The following NBN variants were observed in gnomAD, a reference collection of about 807,000 sequenced individuals.
NBN encodes Nijmegen breakage syndrome 1 (nibrin).
NBN carries 88 observed loss-of-function variants against 90.8 expected under a neutral mutation model. The observed-to-expected ratio is 0.97, with a 90% CI of 0.82 to 1.16. The LOEUF (loss-of-function observed/expected upper bound fraction) is 1.16, where lower values mean the gene tolerates loss of function less well. Ranked by LOEUF, NBN falls within the 50% of genes most tolerant of loss-of-function variation. The probability of loss-of-function intolerance (pLI) is 0.00; values close to 1 mark genes in which losing one functional copy is unlikely to be tolerated. For synonymous variants in NBN, 328 were observed against 295.1 expected, an observed-to-expected ratio of 1.11 and a Z score of -1.14; for missense variants, 894 against 869.6, an observed-to-expected ratio of 1.03 and a Z score of -0.35.
chr8:89,942,681 T>C (rs1486710275), intron 14 of NBN, among the ~76,000 whole-genome samples: 1 of 151,994 alleles, frequency 6.6e-6, no homozygotes, highest in African/African-American at 2.4e-5. Context: ...TTGAAGACAG[T>C]AGTAGTAAAT....
intron 5 of NBN, among the ~76,000 whole-genome samples, chr8:89,977,050 T>A (rs529966352): frequency 3.2e-4 from 48 of 152,150 alleles, no homozygotes; most frequent in Non-Finnish European, 4.3e-4. Context: ...GCATAACATT[T>A]AAAATTTTTT....
intron 4 of NBN, among the ~76,000 whole-genome samples, chr8:89,978,558 C>G (rs1055120674): frequency 6.6e-6 from 1 of 151,972 alleles, no homozygotes; most frequent in Non-Finnish European, 1.5e-5. Flanking sequence ...AAGAAGTCAC[C>G]GATTATAATA....
intron 14 of NBN, among the ~76,000 whole-genome samples, chr8:89,942,160 G>C (rs1314940974): frequency 6.6e-6 from 1 of 152,142 alleles, no homozygotes; most frequent in Non-Finnish European, 1.5e-5. Context: ...TTACAACACA[G>C]AAGGAGCTAG....
chr8:89,959,488 C>A (rs1456220022), intron 8 of NBN, among the ~76,000 whole-genome samples: 3 of 152,214 alleles, frequency 2.0e-5, no homozygotes, highest in Non-Finnish European at 4.4e-5. Context: ...TGCAGTGGTT[C>A]ACGCCTGTTA....
At position 89,953,293 on chromosome 8, in the gene NBN, G is replaced by C. The variant is rs775848374; in HGVS notation, c.1796C>G (p.Thr599Arg). Residue 599 changes from threonine to arginine, a missense_variant, in exon 11 of 16, where the codon ACA (threonine) becomes AGA (arginine). Transcript: ENST00000265433. ...VRKRPRMDIE[T>R]NDTFSDEAVP... ...TGCTTCATCACTGAAAGTGTCATTT[G>C]TTTCTATATCCATCCTTGGCCTTTT... 3.1e-6 allele frequency: 5 copies of C among 1,613,176 alleles called. No individual in the cohort carries two copies. In the East Asian group the frequency reaches 8.9e-5, roughly 29 times the overall value.
At chr8:89,973,507 C>A (rs971121932) in intron 5 of NBN, among the ~76,000 whole-genome samples, 2 of 152,032 alleles carry the variant, frequency 1.3e-5, no homozygotes, top group Non-Finnish European at 2.9e-5. Flanking sequence ...CTTAGTAATA[C>A]CTACATTTGA....
intron 8 of NBN, among the ~76,000 whole-genome samples, chr8:89,964,141 T>A (rs1811129442): frequency 6.7e-6 from 1 of 149,100 alleles, no homozygotes; most frequent in Non-Finnish European, 1.5e-5. Context: ...ACTTACCATG[T>A]GTGTGTGTTT....
rs531597218 is a variant in NBN, at chr8:89,941,448, G to A, written c.2184+1805C>T. Among the ~76,000 whole-genome samples the A allele has an allele frequency of 6.6e-5, 10 of 152,290 alleles. No homozygotes were observed. The South Asian group carries it at 1.9e-3, about 28-fold the overall frequency. On this transcript the variant is annotated intron_variant, in intron 14 of 15. Transcript: ENST00000265433. ...AAATAATTGTATGTGAAGTTAATAT[G>A]AAGTTTAAAACTACCCATTCCGACT...
At chr8:89,984,100 T>C in intron 1 of NBN, 2 of 212,462 alleles carry the variant, frequency 9.4e-6, no homozygotes, top group Non-Finnish European at 9.6e-6. Context: ...TGGTAGTCAT[T>C]TCCCCAAACT....
In NBN at chr8:89,946,311, G is replaced by C. The variant is rs748755212; in HGVS notation, c.1915-16C>G. 1 of 1,561,720 alleles carries C rather than the reference G, an allele frequency of 6.4e-7. No homozygotes were observed. The highest frequency in any genetic ancestry group is 1.1e-5 in the South Asian group (1 of 89,796). On this transcript the variant is annotated splice_polypyrimidine_tract_variant and intron_variant, in intron 12 of 15. Transcript: ENST00000265433. ...TGTCATTGTTCTTAAATGGGGTTAA[G>C]ATGGATAGGTAAGAAAGAGAAGAAA...
intron 8 of NBN, among the ~76,000 whole-genome samples, chr8:89,959,765 T>C (rs897322055): frequency 1.4e-4 from 21 of 152,108 alleles, no homozygotes; most frequent in Admixed American, 7.2e-4. Context: ...AAAAAAGCAA[T>C]AAACAAAATT....
intron 14 of NBN, among the ~76,000 whole-genome samples, chr8:89,940,858 G>A (rs989247303): frequency 1.3e-5 from 2 of 152,168 alleles, no homozygotes; most frequent in Non-Finnish European, 1.5e-5. Context: ...ACTTCCCACT[G>A]TTATAAATGA....
intron 2 of NBN, chr8:89,981,867 TTTTG>T (rs1409105650): frequency 3.0e-6 from 2 of 665,530 alleles, no homozygotes; most frequent in African/African-American, 1.9e-5. Context: ...CTAGATCTTT[TTTTG>T]TTTGTTTTAC....
intron 14 of NBN, 30 bp downstream of exon 14, chr8:89,943,223 G>C: frequency 6.2e-7 from 1 of 1,612,654 alleles, no homozygotes; most frequent in East Asian, 2.2e-5. Context: ...TGCAATTTAA[G>C]CAAGTTTCTG....
At chr8:89,941,002 T>C (rs147875175) in intron 14 of NBN, among the ~76,000 whole-genome samples, 113 of 152,238 alleles carry the variant, frequency 7.4e-4, no homozygotes, top group African/African-American at 2.0e-3. Context: ...AGAAACATTA[T>C]AGACACACCT....
chr8:89,974,293 C>G (rs563678781), intron 5 of NBN, among the ~76,000 whole-genome samples: 94 of 131,924 alleles, frequency 7.1e-4, no homozygotes, highest in Non-Finnish European at 1.2e-3. Context: ...AAAGGCTAGA[C>G]TACAGTGACA....
chr8:89,970,677 G>A (rs1811474135), intron 6 of NBN, 120 bp from the exon 7 acceptor site: 1 of 957,880 alleles, frequency 1.0e-6, no homozygotes, highest in African/African-American at 1.6e-5. Flanking sequence ...TTCTTGAGTA[G>A]GTCATTTCAG....
chr8:89,934,960 G>A lies in NBN; in HGVS notation c.*622C>T, dbSNP rs2130734210. 4.3e-6 allele frequency: 1 copy of A among 232,752 alleles called. No individual in the cohort carries two copies. Among genetic ancestry groups the A allele is most frequent in the East Asian group, 6.1e-5 (1 of 16,438 alleles). The allele number at this position is 232,752 out of a possible 1,614,324, so 14.4% of individuals were successfully genotyped here. A position where few individuals can be genotyped will look rare whatever the true frequency, so the allele number is the denominator to read the frequency against. On this transcript the variant is annotated 3_prime_UTR_variant, in exon 16 of 16. Coordinates refer to ENST00000265433, the MANE Select transcript of NBN (RefSeq NM_002485.5). ...TGATGAAGTCTCCACATGGTCTTCAGTTTCTAGTACTAGAATAACATGTAG... is the reference window on the plus strand; with the variant it reads ...TGATGAAGTCTCCACATGGTCTTCAATTTCTAGTACTAGAATAACATGTAG...
chr8:89,953,664 CA>C lies in NBN; in HGVS notation c.1424del (p.Met475SerfsTer9). The C allele has an allele frequency of 6.2e-7, 1 of 1,611,514 alleles. No individual in the cohort carries two copies. The highest frequency in any genetic ancestry group is 1.3e-5 in the African/African-American group (1 of 74,890). ...CTATTCTTGCTGATTTGCATGAAGA[CA>C]TTTCTTGATTTTCTTCATCCCTTTC... Reference protein sequence around the residue: ...KRERDEENQEMSSCKSARIET... With the variant: ...KRERDEENQEXSSCKSARIET... On this transcript the variant is annotated frameshift_variant, in exon 11 of 16. Transcript: ENST00000265433. LOFTEE classifies it high-confidence loss of function.
Sources: allele counts gnomAD v4.1 joint callset (sites outside exome capture counted in the v4.1 genomes callset), GRCh38; gene constraint gnomAD v4.1.1; transcripts MANE v1.5; gene names NCBI Gene and HGNC (gene_info 2026-07-23, HGNC 2026-07-21).